Variants in BRIP1 observed in about 807,000 individuals in gnomAD.
BRIP1 encodes BRCA1 interacting DNA helicase 1, also known as Fanconi anemia group J protein.
Under a neutral mutation model 119.7 loss-of-function variants are expected in BRIP1, and 88 were observed. The observed-to-expected ratio is 0.74, with a 90% confidence interval of 0.62 to 0.88. The LOEUF is 0.88. BRIP1 is among the 40% of genes least tolerant of loss of function. BRIP1 has a pLI of 0.00. For missense variants in BRIP1, 1,259 were observed against 1,455.4 expected, an observed-to-expected ratio of 0.87 and a Z score of 2.20; for synonymous variants, 443 against 496.5, an observed-to-expected ratio of 0.89 and a Z score of 1.43.
chr17:61,841,732 C>T lies in BRIP1; in HGVS notation c.627+5369G>A, dbSNP rs540555639. 6.6e-6 allele frequency among the ~76,000 whole-genome samples: 1 copy of T among 152,250 alleles called. No homozygotes were observed. The highest frequency in any genetic ancestry group is 2.1e-4 in the South Asian group (1 of 4,826). On this transcript the variant is annotated intron_variant, in intron 6 of 19. Coordinates refer to ENST00000259008, the MANE Select transcript of BRIP1 (RefSeq NM_032043.3). The surrounding 1 kb of genome is among the most constrained non-coding windows in gnomAD (Gnocchi z 4.1). ...TCCAAAGGAAAGAAAATCTAGAGTA[C>T]AGTAGCATGATCATATCTCACCACA... is the stretch of plus-strand genomic sequence containing the variant.
rs926541291 is a variant in BRIP1 at position 61,789,031 on chromosome 17, G to T, written c.1473+4566C>A. ...AATTGCCTGAACCTGGGAGGCGGAGGTTGCAGTGGGCTGAGATCACACCAC... is the reference window on the plus strand; with the variant it reads ...AATTGCCTGAACCTGGGAGGCGGAGTTTGCAGTGGGCTGAGATCACACCAC... On this transcript the variant is annotated intron_variant, in intron 10 of 19. Coordinates refer to ENST00000259008, the MANE Select transcript of BRIP1 (RefSeq NM_032043.3). The surrounding 1 kb of genome is among the most constrained non-coding windows in gnomAD (Gnocchi z 4.8). Among the ~76,000 whole-genome samples, 1 of 152,050 alleles carries T rather than the reference G, an allele frequency of 6.6e-6. No individual in the cohort carries two copies. Among genetic ancestry groups the T allele is most frequent in the Non-Finnish European group, 1.5e-5 (1 of 67,986 alleles).
chr17:61,683,106 G>T lies in BRIP1; in HGVS notation c.*190C>A. 1 of 635,036 alleles carries T rather than the reference G, an allele frequency of 1.6e-6. No individual in the cohort carries two copies. The highest frequency in any genetic ancestry group is 2.6e-6 in the Non-Finnish European group (1 of 388,054). The allele number at this position is 635,036 out of a possible 1,614,324, so 39.3% of individuals were successfully genotyped here. ...AGAGCACACCACTGCATTCCAGCCT[G>T]GGCAACAGACCAAGACTCTGTCTCA... On this transcript the variant is annotated 3_prime_UTR_variant, in exon 20 of 20. Coordinates refer to ENST00000259008, the MANE Select transcript of BRIP1 (RefSeq NM_032043.3). This position sits in a 1 kb window ranked among gnomAD's most constrained non-coding sequence, Gnocchi z 4.7.
rs1004818383 is a variant in BRIP1 at position 61,799,055 on chromosome 17, T to A, written c.1340+45A>T. 4 of 1,546,226 alleles carry A rather than the reference T, an allele frequency of 2.6e-6. No homozygotes were observed. The Admixed American group carries it at 5.0e-5, about 19-fold the overall frequency. On this transcript the variant is annotated intron_variant, in intron 9 of 19. Coordinates refer to ENST00000259008, the MANE Select transcript of BRIP1 (RefSeq NM_032043.3). The surrounding 1 kb of genome is among the most constrained non-coding windows in gnomAD (Gnocchi z 5.1). ...ACTCTGGCATAATCAAACATATTTTTCATATAAAGGCAGCACAAATACACT... is the reference window on the plus strand; with the variant it reads ...ACTCTGGCATAATCAAACATATTTTACATATAAAGGCAGCACAAATACACT...
chr17:61,811,833 T>C (rs1016549504), intron 6 of BRIP1, among the ~76,000 whole-genome samples: 2 of 151,818 alleles, frequency 1.3e-5, no homozygotes, highest in Non-Finnish European at 2.9e-5. Context: ...GTGCCTCTAG[T>C]CCCAGATACT....
At position 61,738,940 on chromosome 17, in the gene BRIP1, C is replaced by A. The variant is rs1454394309; in HGVS notation, c.2379+4073G>T. The A allele has an allele frequency of 6.5e-6, 1 of 153,200 alleles. No homozygotes were observed. The highest frequency in any genetic ancestry group is 1.5e-5 in the Non-Finnish European group (1 of 68,748). The allele number at this position is 153,200 out of a possible 1,614,324, so 9.5% of individuals were successfully genotyped here. A position where few individuals can be genotyped will look rare whatever the true frequency, so the allele number is the denominator to read the frequency against. On this transcript the variant is annotated intron_variant, in intron 16 of 19. Coordinates refer to ENST00000259008, the MANE Select transcript of BRIP1 (RefSeq NM_032043.3). This position sits in a 1 kb window ranked among gnomAD's most constrained non-coding sequence, Gnocchi z 4.2. The stretch of plus-strand genomic sequence containing the variant: ...TCCTTTCAGGCCTTGTTACTTTGTA[C>A]GTATAATATTTAGTACAACCTAGTA...
chr17:61,791,033 C>T (rs1032082523), intron 10 of BRIP1, among the ~76,000 whole-genome samples: 1 of 152,118 alleles, frequency 6.6e-6, no homozygotes. Context: ...TACCACGCTG[C>T]ATTTTATAAA....
Position 61,798,099 on chromosome 17 carries a change from T to C in BRIP1, c.1340+1001A>G, listed in dbSNP as rs1248300552. 6.6e-6 allele frequency among the ~76,000 whole-genome samples: 1 copy of C among 152,050 alleles called. No homozygotes were observed. Among genetic ancestry groups the C allele is most frequent in the Non-Finnish European group, 1.5e-5 (1 of 67,918 alleles). ...TGAAATTATGTATGTTCAAAGTTAT[T>C]CATTATAGCAGTTTAAGAGCAAAAA... On this transcript the variant is annotated intron_variant, in intron 9 of 19. Transcript: ENST00000259008. This position sits in a 1 kb window ranked among gnomAD's most constrained non-coding sequence, Gnocchi z 5.5.
Position 61,845,304 on chromosome 17 carries a change from G to GACA in BRIP1, c.627+1794_627+1796dup, listed in dbSNP as rs1291047462. ...ATCTGTGGTTGCCTGGGAATGGGGG[G>GACA]ACAGGGCAGAAAAAAGGTCCATCAG... is the stretch of plus-strand genomic sequence containing the variant. On this transcript the variant is annotated intron_variant, in intron 6 of 19. Transcript: ENST00000259008. The surrounding 1 kb of genome is among the most constrained non-coding windows in gnomAD (Gnocchi z 4.2). Among the ~76,000 whole-genome samples, 3 of 152,110 alleles carry GACA rather than the reference G, an allele frequency of 2.0e-5. No homozygotes were observed.
rs1483016357 is a variant in BRIP1, at chr17:61,770,141, C to T, written c.2097+6260G>A. ...TCATTTCCTAAACTGCAGCTCCCTG[C>T]CATCTAATCTTATGATATGAATGAA... On this transcript the variant is annotated intron_variant, in intron 14 of 19. Coordinates refer to ENST00000259008, the MANE Select transcript of BRIP1 (RefSeq NM_032043.3). The surrounding 1 kb of genome is among the most constrained non-coding windows in gnomAD (Gnocchi z 4.7). Among the ~76,000 whole-genome samples, 1 of 152,202 alleles carries T rather than the reference C, an allele frequency of 6.6e-6. No individual in the cohort carries two copies. Among genetic ancestry groups the T allele is most frequent in the Non-Finnish European group, 1.5e-5 (1 of 68,028 alleles).
Position 61,683,082 on chromosome 17 carries a change from G to A in BRIP1, c.*214C>T. On this transcript the variant is annotated 3_prime_UTR_variant, in exon 20 of 20. Transcript: ENST00000259008. The surrounding 1 kb of genome is among the most constrained non-coding windows in gnomAD (Gnocchi z 4.7). ...GGAGGTGAAGGTTGCAGTGAGCCCA[G>A]AGCACACCACTGCATTCCAGCCTGG... 1.8e-6 allele frequency: 1 copy of A among 543,962 alleles called. No homozygotes were observed. The highest frequency in any genetic ancestry group is 3.2e-6 in the Non-Finnish European group (1 of 314,144). The allele number at this position is 543,962 out of a possible 1,614,324, so 33.7% of individuals were successfully genotyped here.
chr17:61,681,332 A>C lies in BRIP1; in HGVS notation c.*1964T>G. Reference sequence around the variant, plus strand: ...CTGGAACAAAAGCAAATGAAAATCGACTCAGAATATCAACAGACATTCCTT... The same window carrying C: ...CTGGAACAAAAGCAAATGAAAATCGCCTCAGAATATCAACAGACATTCCTT... On this transcript the variant is annotated 3_prime_UTR_variant, in exon 20 of 20. Coordinates refer to ENST00000259008, the MANE Select transcript of BRIP1 (RefSeq NM_032043.3). This position sits in a 1 kb window ranked among gnomAD's most constrained non-coding sequence, Gnocchi z 5.1. 4.8e-6 allele frequency: 1 copy of C among 210,508 alleles called. No homozygotes were observed. Among genetic ancestry groups the C allele is most frequent in the Middle Eastern group, 1.5e-3 (1 of 658 alleles). The allele number at this position is 210,508 out of a possible 1,614,324, so 13.0% of individuals were successfully genotyped here.
At position 61,808,616 on chromosome 17, in the gene BRIP1, C is replaced by A. The variant is rs754515912; in HGVS notation, c.769G>T (p.Ala257Ser). 1.2e-6 allele frequency: 2 copies of A among 1,613,972 alleles called. No individual in the cohort carries two copies. Among genetic ancestry groups the A allele is most frequent in the South Asian group, 2.2e-5 (2 of 91,082 alleles). ...CTCCGGAGCTCTCTAGTAATCTGAG[C>A]AATCTGCTTGTGTGTGCGTGTCCCA... ...YFGTRTHKQI[A>S]QITRELRRTA... The change falls in exon 7 of 20, where the codon GCT becomes TCT. Residue 257 changes from alanine (A) to serine (S), a missense_variant. By Grantham distance (99) the Ala-to-Ser change is moderately conservative. Around this residue, in one of 3 missense-constraint regions of BRIP1, gnomAD observed 501 missense variants for 544.0 expected, o/e 0.92. Coordinates refer to ENST00000259008, the MANE Select transcript of BRIP1 (RefSeq NM_032043.3). The surrounding 1 kb of genome is among the most constrained non-coding windows in gnomAD (Gnocchi z 4.1).
intron 10 of BRIP1, among the ~76,000 whole-genome samples, chr17:61,791,450 C>G (rs1015786493): frequency 7.1e-6 from 1 of 139,966 alleles, no homozygotes; most frequent in Non-Finnish European, 1.5e-5. Context: ...GATCACGCCA[C>G]TGCCCTCCAG....
chr17:61,737,392 G>T lies in BRIP1; in HGVS notation c.2379+5621C>A, dbSNP rs1320207557. 3.9e-5 allele frequency among the ~76,000 whole-genome samples: 6 copies of T among 152,094 alleles called. 1 individual carries two copies. The highest frequency in any genetic ancestry group is 3.9e-4 in the Admixed American group (6 of 15,280). ...ATCACATAGAAAAATTTACTCAAGA[G>T]GAATCAAATATCTAAATTAAAGAGT... On this transcript the variant is annotated intron_variant, in intron 16 of 19. Coordinates refer to ENST00000259008, the MANE Select transcript of BRIP1 (RefSeq NM_032043.3).
At chr17:61,771,855 G>A (rs1203107279) in intron 14 of BRIP1, among the ~76,000 whole-genome samples, 9 of 152,002 alleles carry the variant, frequency 5.9e-5, no homozygotes, top group Admixed American at 2.0e-4. Flanking sequence ...CCAGCTACTC[G>A]GGAGGCTAAG....
chr17:61,701,732 C>T lies in BRIP1; in HGVS notation c.2493-8220G>A, dbSNP rs2061617459. ...TTTTTTGGCTAGCCTCTCACTTGCC[C>T]CAAATGTCATTCATTGTCTCAGGCA... On this transcript the variant is annotated intron_variant, in intron 17 of 19. Transcript: ENST00000259008. This position sits in a 1 kb window ranked among gnomAD's most constrained non-coding sequence, Gnocchi z 5.1. Among the ~76,000 whole-genome samples the T allele has an allele frequency of 6.6e-6, 1 of 152,196 alleles. No individual in the cohort carries two copies. The highest frequency in any genetic ancestry group is 6.5e-5 in the Admixed American group (1 of 15,278).
rs750657348 is a variant in BRIP1, at chr17:61,776,268, T to C, written c.2097+133A>G. The C allele has an allele frequency of 1.3e-5, 12 of 940,448 alleles. No individual in the cohort carries two copies. The highest frequency in any genetic ancestry group is 2.0e-5 in the Non-Finnish European group (12 of 610,606). The allele number at this position is 940,448 out of a possible 1,614,324, so 58.3% of individuals were successfully genotyped here. ...AAATAAGTAAAATAATATGTGATGT[T>C]TAGAAAACTATAGTTATTACCTTGT... On this transcript the variant is annotated intron_variant, in intron 14 of 19. Coordinates refer to ENST00000259008, the MANE Select transcript of BRIP1 (RefSeq NM_032043.3). The surrounding 1 kb of genome is among the most constrained non-coding windows in gnomAD (Gnocchi z 5.0).
chr17:61,683,249 C>T lies in BRIP1; in HGVS notation c.*47G>A, dbSNP rs759511390. On this transcript the variant is annotated 3_prime_UTR_variant, in exon 20 of 20. Transcript: ENST00000259008. This position sits in a 1 kb window ranked among gnomAD's most constrained non-coding sequence, Gnocchi z 4.7. The stretch of plus-strand genomic sequence containing the variant: ...AATTATTACTTACAACAGAGTTTAA[C>T]ATAAGCATGATGACATATTTTTACT... 5 of 1,560,556 alleles carry T rather than the reference C, an allele frequency of 3.2e-6. No homozygotes were observed. The African/African-American group carries it at 5.5e-5, about 17-fold the overall frequency.
rs748793974 is a variant in BRIP1 at position 61,857,090 on chromosome 17, G to C, written c.347C>G (p.Ser116Cys). Residue 116 changes from serine to cysteine, a missense_variant, in exon 4 of 20, where the codon TCT becomes TGT. Physicochemically the swap from Ser to Cys is moderately radical, Grantham distance 112. Around this residue, in one of 3 missense-constraint regions of BRIP1, gnomAD observed 501 missense variants for 544.0 expected, o/e 0.92. Coordinates refer to ENST00000259008, the MANE Select transcript of BRIP1 (RefSeq NM_032043.3). The surrounding 1 kb of genome is among the most constrained non-coding windows in gnomAD (Gnocchi z 5.1). ...AGTTGATGAAGTGCCATTTCTTTCA[G>C]AAGGTGGTGTGCTTGGATAGTTGAA... Reference protein sequence around the residue: ...RHFNYPSTPPSERNGTSSTCQ... With the variant: ...RHFNYPSTPPCERNGTSSTCQ... 1.2e-5 allele frequency: 19 copies of C among 1,613,980 alleles called. No individual in the cohort carries two copies. The highest frequency in any genetic ancestry group is 1.7e-5 in the Admixed American group (1 of 59,996).
Sources: gnomAD v4.1 joint callset for allele counts (sites outside exome capture counted in the v4.1 genomes callset) on GRCh38, gnomAD v4.1.1 for gene constraint, gnomAD v4.1.1 regional missense constraint, Gnocchi (gnomAD v3.1) non-coding constraint, MANE v1.5 for transcripts, NCBI Gene and HGNC (gene_info 2026-07-23, HGNC 2026-07-21) for gene names.